RAB38: variants seen among roughly 807,000 people sequenced by gnomAD.
RAB38 encodes the protein ras-related protein Rab-38.
In RAB38, 15 loss-of-function variants were observed where a neutral mutation model predicts 18.4. The ratio of observed to expected loss-of-function variants is 0.82; its 90% CI spans 0.55 to 1.26. The LOEUF is 1.26. Among genes scored for constraint, RAB38 ranks in the 50% most tolerant of loss-of-function variants. RAB38 has a pLI of 0.00. For missense variants in RAB38, 294 were observed against 267.4 expected, an observed-to-expected ratio of 1.10 and a Z score of -0.69; for synonymous variants, 101 against 104.4, an observed-to-expected ratio of 0.97 and a Z score of 0.20.
chr11:88,164,756 T>C (rs1200190904), intron 1 of RAB38, among the ~76,000 whole-genome samples: 1 of 152,070 alleles, frequency 6.6e-6, no homozygotes, highest in Non-Finnish European at 1.5e-5. Flanking sequence ...CACTAAGGAT[T>C]TGGATGCGGT....
the RAB38 span, among the ~76,000 whole-genome samples, chr11:88,096,458 G>T: frequency 6.6e-6 from 1 of 151,682 alleles, no homozygotes; most frequent in Non-Finnish European, 1.5e-5. Flanking sequence ...TCCCTCTTAC[G>T]TGTCTACCTT....
the RAB38 span, among the ~76,000 whole-genome samples, chr11:87,884,887 G>A: frequency 2.6e-5 from 4 of 152,006 alleles, no homozygotes; most frequent in African/African-American, 9.6e-5. Context: ...TGATTCCAAT[G>A]TTGATTATCT....
At chr11:87,849,486 A>T in the RAB38 span, among the ~76,000 whole-genome samples, 1 of 152,130 alleles carries the variant, frequency 6.6e-6, no homozygotes, top group African/African-American at 2.4e-5. Context: ...ACACAGACAG[A>T]ACTGTTCCCT....
chr11:87,850,312 A>G, the RAB38 span, among the ~76,000 whole-genome samples: 5 of 152,116 alleles, frequency 3.3e-5, no homozygotes, highest in African/African-American at 9.7e-5. Flanking sequence ...TTCTCCTTTT[A>G]ACATACACAC....
At chr11:88,126,713 A>AG (rs1343935406) in intron 2 of RAB38, among the ~76,000 whole-genome samples, 2 of 151,460 alleles carry the variant, frequency 1.3e-5, no homozygotes, top group Non-Finnish European at 2.9e-5. Context: ...TAAAAAAAAA[A>AG]AGAAAGACTC....
At chr11:88,033,217 G>A in the RAB38 span, among the ~76,000 whole-genome samples, 1 of 151,888 alleles carries the variant, frequency 6.6e-6, no homozygotes. Context: ...TGACACTCTG[G>A]GGACTGTTGT....
chr11:87,977,672 A>T, the RAB38 span, among the ~76,000 whole-genome samples: 1 of 117,942 alleles, frequency 8.5e-6, no homozygotes, highest in Non-Finnish European at 1.6e-5. Flanking sequence ...ACTATATATT[A>T]TGTAATATAT....
intron 2 of RAB38, among the ~76,000 whole-genome samples, chr11:88,145,067 G>A (rs955299470): frequency 6.6e-6 from 1 of 152,188 alleles, no homozygotes; most frequent in African/African-American, 2.4e-5. Flanking sequence ...AGTAGGAATG[G>A]TGTAGAGTGT....
the RAB38 span, among the ~76,000 whole-genome samples, chr11:87,911,102 A>G: frequency 6.6e-6 from 1 of 151,626 alleles, no homozygotes; most frequent in South Asian, 2.1e-4. Context: ...TAGATTATGT[A>G]TAAATTTGTA....
the RAB38 span, among the ~76,000 whole-genome samples, chr11:88,039,223 ATAATGT>A: frequency 6.6e-6 from 1 of 152,336 alleles, no homozygotes; most frequent in South Asian, 2.1e-4. Flanking sequence ...TTTTTAAAAG[ATAATGT>A]TAGTGGCAAT....
chr11:87,825,042 A>G, the RAB38 span, among the ~76,000 whole-genome samples: 3 of 151,774 alleles, frequency 2.0e-5, no homozygotes, highest in Admixed American at 6.6e-5. Flanking sequence ...GAGAGAGAGA[A>G]TGAATCAAGA....
intron 2 of RAB38, among the ~76,000 whole-genome samples, chr11:88,122,021 C>A (rs556694163): frequency 4.6e-5 from 7 of 152,220 alleles, no homozygotes; most frequent in Non-Finnish European, 1.0e-4. Flanking sequence ...ATTAATTGAT[C>A]AATTTATTTA....
At chr11:88,024,430 T>G in the RAB38 span, among the ~76,000 whole-genome samples, 1 of 152,194 alleles carries the variant, frequency 6.6e-6, no homozygotes, top group African/African-American at 2.4e-5. Flanking sequence ...CATATACTTC[T>G]GATAAGAATG....
chr11:87,827,927 T>G, the RAB38 span, among the ~76,000 whole-genome samples: 1 of 152,190 alleles, frequency 6.6e-6, no homozygotes, highest in Non-Finnish European at 1.5e-5. Context: ...CAGTGTAGTA[T>G]TCTGGATTGG....
chr11:88,084,669 C>T, the RAB38 span, among the ~76,000 whole-genome samples: 1 of 151,820 alleles, frequency 6.6e-6, no homozygotes, highest in African/African-American at 2.4e-5. Flanking sequence ...CTTCTCTCCT[C>T]ATATAACAGC....
chr11:88,158,118 A>T (rs1443466164), intron 1 of RAB38, among the ~76,000 whole-genome samples: 1 of 152,190 alleles, frequency 6.6e-6, no homozygotes, highest in Non-Finnish European at 1.5e-5. Context: ...ATCCCACAGA[A>T]ATACAAAAGA....
chr11:88,028,971 G>C, the RAB38 span, among the ~76,000 whole-genome samples: 4 of 152,112 alleles, frequency 2.6e-5, no homozygotes, highest in African/African-American at 9.7e-5. Flanking sequence ...GTTAAGGGCA[G>C]CCAGAGAGAA....
chr11:88,042,433 T>C, the RAB38 span, among the ~76,000 whole-genome samples: 1 of 152,366 alleles, frequency 6.6e-6, no homozygotes, highest in South Asian at 2.1e-4. Flanking sequence ...TCATTATTCC[T>C]GTCTGACACT....
chr11:87,842,400 A>G, the RAB38 span, among the ~76,000 whole-genome samples: 2 of 152,182 alleles, frequency 1.3e-5, no homozygotes, highest in African/African-American at 4.8e-5. Flanking sequence ...TCTGGAGTCC[A>G]AGTAAAGTTC....
Sources: allele counts gnomAD v4.1 joint callset (sites outside exome capture counted in the v4.1 genomes callset), GRCh38; gene constraint gnomAD v4.1.1; transcripts MANE v1.5; gene names NCBI Gene and HGNC (gene_info 2026-07-23, HGNC 2026-07-21).